Variants in CLEC16A observed in about 807,000 individuals in gnomAD.
CLEC16A encodes the protein protein CLEC16A.
Under a neutral mutation model 109.5 loss-of-function variants are expected in CLEC16A, and 51 were observed. The ratio of observed to expected loss-of-function variants is 0.47; its 90% CI spans 0.37 to 0.59. The LOEUF (loss-of-function observed/expected upper bound fraction) is 0.59. Among genes scored for constraint, CLEC16A ranks in the 20% least tolerant of loss-of-function variants. The pLI is 0.00. For missense variants in CLEC16A, 1,339 were observed against 1,394.0 expected, an observed-to-expected ratio of 0.96 and a Z score of 0.63; for synonymous variants, 673 against 564.2, an observed-to-expected ratio of 1.19 and a Z score of -2.73.
chr16:11,051,457 C>CT, intron 17 of CLEC16A, 56 bp from the exon 18 acceptor site: 1 of 1,581,886 alleles, frequency 6.3e-7, no homozygotes, highest in Admixed American at 1.7e-5. Context: ...CCCCCGGCCC[C>CT]TTCCTCCTTC....
intron 10 of CLEC16A, among the ~76,000 whole-genome samples, chr16:10,991,817 G>T (rs1487612484): frequency 1.3e-5 from 2 of 152,208 alleles, no homozygotes; most frequent in Admixed American, 6.5e-5. Flanking sequence ...GGAGCCTGAG[G>T]GCTGCACTTG....
At chr16:11,171,911 C>G (rs926389661) in intron 23 of CLEC16A, among the ~76,000 whole-genome samples, 1 of 149,670 alleles carries the variant, frequency 6.7e-6, no homozygotes, top group African/African-American at 2.5e-5. Flanking sequence ...TACATAGTCA[C>G]ACACACCAGT....
chr16:11,114,127 C>CTGTGTGTGTGTGTGTGTG (rs2051799144), intron 19 of CLEC16A, among the ~76,000 whole-genome samples: 1 of 80,712 alleles, frequency 1.2e-5, no homozygotes, highest in Non-Finnish European at 2.4e-5. Context: ...ATGAGGATGG[C>CTGTGTGTGTGTGTGTGTG]CGTGTGTGTG....
rs536378093 is a variant in CLEC16A at position 11,095,366 on chromosome 16, C to T, written c.2117-25249C>T. Among the ~76,000 whole-genome samples, 26 of 152,072 alleles carry T rather than the reference C, an allele frequency of 1.7e-4. 1 individual carries two copies. Among genetic ancestry groups the T allele is most frequent in the Non-Finnish European group, 3.4e-4 (23 of 68,006 alleles). On this transcript the variant is annotated intron_variant, in intron 19 of 23. Transcript: ENST00000409790. Reference sequence around the variant, plus strand: ...ATGTTCTGACTCTGGGTGCAGGGCTCCCCCCACCTCCCCATTTTCACCTTG... The same window carrying T: ...ATGTTCTGACTCTGGGTGCAGGGCTTCCCCCACCTCCCCATTTTCACCTTG...
In CLEC16A at chr16:11,005,256, G is replaced by A. The variant is rs559182257; in HGVS notation, c.1303+1951G>A. ...ACAGGGGCTTCAGGCCAGTTCTGCA[G>A]GCTGCTGTTTCAGCTTGAACTGCTT... On this transcript the variant is annotated intron_variant, in intron 11 of 23. Transcript: ENST00000409790. Among the ~76,000 whole-genome samples, 10 of 152,330 alleles carry A rather than the reference G, an allele frequency of 6.6e-5. No homozygotes were observed. In the East Asian group the frequency reaches 1.9e-3, roughly 29 times the overall value.
At chr16:11,059,791 A>G (rs902218504) in intron 18 of CLEC16A, among the ~76,000 whole-genome samples, 2 of 152,182 alleles carry the variant, frequency 1.3e-5, no homozygotes, top group Non-Finnish European at 2.9e-5. Context: ...CCTAGCAGGC[A>G]TGCGAGCTAT....
intron 19 of CLEC16A, among the ~76,000 whole-genome samples, chr16:11,070,196 G>A (rs184333846): frequency 4.4e-4 from 67 of 151,928 alleles, no homozygotes; most frequent in African/African-American, 1.6e-3. Flanking sequence ...TCAGCCTCCC[G>A]AGTAGCTGGG....
chr16:11,111,615 C>T lies in CLEC16A; in HGVS notation c.2117-9000C>T, dbSNP rs551384375. On this transcript the variant is annotated intron_variant, in intron 19 of 23. Coordinates refer to ENST00000409790, the MANE Select transcript of CLEC16A (RefSeq NM_015226.3). ...GTGGCCATCTTTGGAAAGTATAGTC[C>T]GTAAGAAAATCCATTTCAGTGCCCC... 3.9e-5 allele frequency among the ~76,000 whole-genome samples: 6 copies of T among 152,194 alleles called. No individual in the cohort carries two copies. The East Asian group carries it at 5.8e-4, about 15-fold the overall frequency.
intron 19 of CLEC16A, among the ~76,000 whole-genome samples, chr16:11,083,323 T>A (rs1213542823): frequency 1.3e-5 from 2 of 152,098 alleles, no homozygotes; most frequent in Non-Finnish European, 2.9e-5. Context: ...CCACCACGCC[T>A]GGATAATTTT....
rs1021068111 is a variant in CLEC16A, at chr16:11,066,187, G to C, written c.2116+5165G>C. ...GAAATAGGACTTGCTGGGAGGAGTA[G>C]ATGAGCATTATCTGTGCTGTGCCTA... On this transcript the variant is annotated intron_variant, in intron 19 of 23. Transcript: ENST00000409790. Among the ~76,000 whole-genome samples, 15 of 152,052 alleles carry C rather than the reference G, an allele frequency of 9.9e-5. No individual in the cohort carries two copies. In the South Asian group the frequency reaches 2.7e-3, roughly 27 times the overall value.
At chr16:10,947,705 G>A (rs1046986855) in intron 1 of CLEC16A, among the ~76,000 whole-genome samples, 1 of 152,136 alleles carries the variant, frequency 6.6e-6, no homozygotes, top group Admixed American at 6.5e-5. Flanking sequence ...GGGACTTTCA[G>A]TGCTAAAACT....
chr16:10,977,373 G>C lies in CLEC16A; in HGVS notation c.877G>C (p.Val293Leu). 4 of 1,613,682 alleles carry C rather than the reference G, an allele frequency of 2.5e-6. No individual in the cohort carries two copies. Among genetic ancestry groups the C allele is most frequent in the Non-Finnish European group, 3.4e-6 (4 of 1,179,770 alleles). The change falls in exon 8 of 24, where the codon GTG becomes CTG. Residue 293 changes from valine to leucine, a missense_variant. By Grantham distance (32) the Val-to-Leu change is conservative. Around this residue, in one of 3 missense-constraint regions of CLEC16A, gnomAD observed 161 missense variants for 267.1 expected, o/e 0.60. Coordinates refer to ENST00000409790, the MANE Select transcript of CLEC16A (RefSeq NM_015226.3). The stretch of plus-strand genomic sequence containing the variant: ...CAACAGGCTCTTCCTGCCCCTCTAC[G>C]TGTACTCACTGGAGAACCAGGACAA... ...LLNRLFLPLY[V>L]YSLENQDKGG...
At chr16:11,067,037 A>G (rs1244107204) in intron 19 of CLEC16A, among the ~76,000 whole-genome samples, 2 of 152,182 alleles carry the variant, frequency 1.3e-5, no homozygotes, top group African/African-American at 4.8e-5. Flanking sequence ...GACATTGTTA[A>G]TATTGAGTAG....
chr16:11,097,927 C>T (rs1469585578), intron 19 of CLEC16A, among the ~76,000 whole-genome samples: 1 of 152,200 alleles, frequency 6.6e-6, no homozygotes, highest in Admixed American at 6.5e-5. Flanking sequence ...TCAGCTGGCC[C>T]ACGGGCGACA....
intron 22 of CLEC16A, among the ~76,000 whole-genome samples, chr16:11,153,518 A>G (rs759215635): frequency 6.6e-6 from 1 of 151,570 alleles, no homozygotes; most frequent in African/African-American, 2.4e-5. Context: ...TAAAAAGGCT[A>G]AACAATGAAA....
At chr16:10,953,087 A>T (rs2041814989) in intron 1 of CLEC16A, among the ~76,000 whole-genome samples, 1 of 152,248 alleles carries the variant, frequency 6.6e-6, no homozygotes, top group South Asian at 2.1e-4. Context: ...ATATTGAAAA[A>T]CAGAAGGAAA....
intron 13 of CLEC16A, among the ~76,000 whole-genome samples, chr16:11,036,867 A>T (rs1837110539): frequency 1.3e-5 from 2 of 152,100 alleles, no homozygotes; most frequent in African/African-American, 4.8e-5. Context: ...CTTTTATAAC[A>T]CGAATGATAA....
chr16:10,977,461 C>G (rs1444722347), intron 8 of CLEC16A, 62 bp downstream of exon 8: 2 of 1,472,152 alleles, frequency 1.4e-6, no homozygotes, highest in Non-Finnish European at 1.9e-6. Flanking sequence ...AGAACAGTCC[C>G]CAGTCCCCTG....
chr16:11,155,012 A>G (rs950880143), intron 22 of CLEC16A, among the ~76,000 whole-genome samples: 2 of 151,430 alleles, frequency 1.3e-5, no homozygotes, highest in Non-Finnish European at 2.9e-5. Context: ...AGTCCCAGCT[A>G]CACGGGAGGC....
Sources: allele counts gnomAD v4.1 joint callset (sites outside exome capture counted in the v4.1 genomes callset), GRCh38; gene constraint gnomAD v4.1.1; regional missense constraint gnomAD v4.1.1; transcripts MANE v1.5; gene names NCBI Gene and HGNC (gene_info 2026-07-23, HGNC 2026-07-21).